Variants in ADGRL2 observed in about 807,000 individuals in gnomAD.
ADGRL2 encodes the protein calcium-independent alpha-latrotoxin receptor 2.
ADGRL2 carries 44 observed loss-of-function variants against 157.4 expected under a neutral mutation model. The ratio of observed to expected loss-of-function variants is 0.28; its 90% CI spans 0.22 to 0.36. The LOEUF (loss-of-function observed/expected upper bound fraction) is 0.36. Among genes scored for constraint, ADGRL2 ranks in the 10% least tolerant of loss-of-function variants. The pLI, the probability that ADGRL2 is intolerant of heterozygous loss-of-function variation, is 1.00. For synonymous variants in ADGRL2, 585 were observed against 624.7 expected (o/e 0.94, Z 0.95); for missense variants, 1,510 against 1,768.9 (o/e 0.85, Z 2.63).
In ADGRL2 at chr1:81,512,063, TGAG is replaced by T. The variant is rs112062740; in HGVS notation, c.-248+66978_-248+66980del. 2.4e-4 allele frequency among the ~76,000 whole-genome samples: 37 copies of T among 152,204 alleles called. No homozygotes were observed. The East Asian group carries it at 6.4e-3, about 26-fold the overall frequency. ...TACCTCATCGTGCTAAAAGAGCAAATGAGGAGATTTTAAACACGTCTACATTTT... is the reference window on the plus strand; with the variant it reads ...TACCTCATCGTGCTAAAAGAGCAAATGAGATTTTAAACACGTCTACATTTT... On this transcript the variant is annotated intron_variant, in intron 2 of 24. Transcript: ENST00000370721.
intron 2 of ADGRL2, among the ~76,000 whole-genome samples, chr1:81,578,414 T>C (rs2080839560): frequency 6.6e-6 from 1 of 152,172 alleles, no homozygotes; most frequent in African/African-American, 2.4e-5. Flanking sequence ...ACTACTAAAG[T>C]TGTTCTTATC....
intron 3 of ADGRL2, among the ~76,000 whole-genome samples, chr1:81,674,526 C>T (rs1015513543): frequency 1.3e-5 from 2 of 152,118 alleles, no homozygotes; most frequent in Non-Finnish European, 2.9e-5. Flanking sequence ...TTTTTATTTG[C>T]GCCCAAGCAA....
intron 1 of ADGRL2, among the ~76,000 whole-genome samples, chr1:81,329,646 T>G (rs916655970): frequency 1.3e-5 from 2 of 152,142 alleles, no homozygotes; most frequent in African/African-American, 4.8e-5. Context: ...GCTCTAAATA[T>G]AAAGTACAAT....
intron 1 of ADGRL2, among the ~76,000 whole-genome samples, chr1:81,421,859 G>C (rs936398225): frequency 6.6e-6 from 1 of 152,138 alleles, no homozygotes; most frequent in Non-Finnish European, 1.5e-5. Context: ...CATAGATTAT[G>C]TTCTACCAAT....
chr1:81,797,991 A>G (rs945047792), upstream of ADGRL2, among the ~76,000 whole-genome samples: 4 of 152,200 alleles, frequency 2.6e-5, no homozygotes, highest in African/African-American at 9.6e-5. Flanking sequence ...ATTTTAAAAA[A>G]CAATTAGCAA....
chr1:81,510,411 A>G (rs1376347082), intron 2 of ADGRL2, among the ~76,000 whole-genome samples: 1 of 152,196 alleles, frequency 6.6e-6, no homozygotes, highest in East Asian at 1.9e-4. Flanking sequence ...GCTGAAAAAC[A>G]AAATTCCTTA....
At chr1:81,590,599 A>C (rs114977948) in intron 3 of ADGRL2, among the ~76,000 whole-genome samples, 3,507 of 152,162 alleles carry the variant, frequency 0.023, 134 homozygotes, top group African/African-American at 0.081. Flanking sequence ...CAATGTTGGA[A>C]TCTCTCTGAT....
intron 3 of ADGRL2, among the ~76,000 whole-genome samples, chr1:81,591,478 G>T (rs557473073): frequency 6.6e-6 from 1 of 152,218 alleles, no homozygotes; most frequent in Admixed American, 6.5e-5. Flanking sequence ...TGCTAATGAG[G>T]TTTTCTGACT....
chr1:81,595,748 C>T (rs897007048), intron 3 of ADGRL2, among the ~76,000 whole-genome samples: 12 of 152,212 alleles, frequency 7.9e-5, no homozygotes, highest in African/African-American at 2.4e-4. Context: ...ATTTGCTTAG[C>T]TCTTTGGGCT....
chr1:81,677,729 G>A (rs781764272), intron 3 of ADGRL2, among the ~76,000 whole-genome samples: 12 of 152,030 alleles, frequency 7.9e-5, no homozygotes, highest in Non-Finnish European at 1.5e-4. Context: ...ACCCTTACCC[G>A]AAGACTCAAC....
intron 2 of ADGRL2, among the ~76,000 whole-genome samples, chr1:81,508,592 G>C (rs949155357): frequency 3.3e-5 from 5 of 152,180 alleles, no homozygotes. Context: ...AGTTGAAAGA[G>C]AAAATGATTA....
At chr1:81,446,739 G>T (rs2077604002) in intron 2 of ADGRL2, among the ~76,000 whole-genome samples, 1 of 151,972 alleles carries the variant, frequency 6.6e-6, no homozygotes, top group Non-Finnish European at 1.5e-5. Flanking sequence ...AATGTAATCA[G>T]TTACTATCCT....
At chr1:81,404,224 A>G (rs1336480907) in intron 1 of ADGRL2, among the ~76,000 whole-genome samples, 1 of 152,210 alleles carries the variant, frequency 6.6e-6, no homozygotes, top group Admixed American at 6.5e-5. Context: ...CCTTGCCGCC[A>G]TCTACTAGCT....
intron 1 of ADGRL2, among the ~76,000 whole-genome samples, chr1:81,434,398 A>G (rs1231818803): frequency 1.3e-5 from 2 of 151,758 alleles, no homozygotes; most frequent in African/African-American, 4.8e-5. Flanking sequence ...CTTGTTTTTT[A>G]TATTTGTCTC....
intron 1 of ADGRL2, among the ~76,000 whole-genome samples, chr1:81,395,741 AG>A (rs1345741727): frequency 6.6e-6 from 1 of 152,162 alleles, no homozygotes; most frequent in Non-Finnish European, 1.5e-5. Context: ...ATGGGGGTCT[AG>A]TTTCATTCTT....
chr1:81,716,614 T>A (rs17098786), intron 1 of ADGRL2, among the ~76,000 whole-genome samples: 17,920 of 152,084 alleles, frequency 0.12, 1,115 homozygotes, highest in South Asian at 0.15. Flanking sequence ...AGTGCAACCA[T>A]CTGTGATTTG....
rs1381529391 is a variant in ADGRL2 at position 81,991,512 on chromosome 1, C to T, written c.*367C>T. The T allele has an allele frequency of 5.6e-6, 1 of 177,548 alleles. No homozygotes were observed. The highest frequency in any genetic ancestry group is 1.2e-5 in the Non-Finnish European group (1 of 81,446). The allele number at this position is 177,548 out of a possible 1,614,324, so 11.0% of individuals were successfully genotyped here. On this transcript the variant is annotated 3_prime_UTR_variant, in exon 24 of 24. Coordinates refer to ENST00000686636, the MANE Select transcript of ADGRL2 (RefSeq NM_001366006.2). ...AATATGGCTGCACCATTTTTGTAGG[C>T]CTGCATTGTATTATATACAAGACGT...
intron 2 of ADGRL2, among the ~76,000 whole-genome samples, chr1:81,482,199 A>G (rs1474384840): frequency 2.0e-5 from 3 of 152,240 alleles, no homozygotes; most frequent in Non-Finnish European, 2.9e-5. Context: ...AGAAACTGAT[A>G]TTAGTTATTT....
Position 81,859,918 on chromosome 1 carries a change from GT to G in ADGRL2, c.73+22871del, listed in dbSNP as rs1020179294. The stretch of plus-strand genomic sequence containing the variant: ...TAACATTTTCTTGGAATGTTTCACT[GT>G]TTTTTTTTTCCCCCATAAAAAACGG... On this transcript the variant is annotated intron_variant, in intron 2 of 23. Coordinates refer to ENST00000686636, the MANE Select transcript of ADGRL2 (RefSeq NM_001366006.2). Among the ~76,000 whole-genome samples, 849 of 148,222 alleles carry G rather than the reference GT, an allele frequency of 5.7e-3. 7 individuals carry two copies. Among genetic ancestry groups the G allele is most frequent in the African/African-American group, 0.019 (761 of 40,470 alleles).
Sources: gnomAD v4.1 joint callset for allele counts (sites outside exome capture counted in the v4.1 genomes callset) on GRCh38, gnomAD v4.1.1 for gene constraint, MANE v1.5 for transcripts, NCBI Gene and HGNC (gene_info 2026-07-23, HGNC 2026-07-21) for gene names.